SUGCT: variants seen among roughly 807,000 people sequenced by gnomAD.
The protein encoded by SUGCT is succinyl-CoA:glutarate-CoA transferase, also known as succinyl-CoA:glutarate CoA-transferase.
A neutral mutation model predicts 55.0 loss-of-function variants in SUGCT; 41 were observed. The ratio of observed to expected loss-of-function variants is 0.74; its 90% CI spans 0.58 to 0.97. The LOEUF (loss-of-function observed/expected upper bound fraction) is 0.97. Among genes scored for constraint, SUGCT ranks in the 50% least tolerant of loss-of-function variants. The probability of loss-of-function intolerance (pLI) is 0.00; values close to 1 mark genes in which losing one functional copy is unlikely to be tolerated. For synonymous variants in SUGCT, 187 were observed against 200.4 expected (o/e 0.93, Z 0.56); for missense variants, 568 against 547.8 (o/e 1.04, Z -0.37).
intron 9 of SUGCT, among the ~76,000 whole-genome samples, chr7:40,405,329 G>A (rs898498540): frequency 2.6e-5 from 4 of 152,046 alleles, no homozygotes; most frequent in East Asian, 1.9e-4. Context: ...TATAAATATC[G>A]ACCACAGTTT....
At chr7:40,915,743 A>G in the SUGCT span, among the ~76,000 whole-genome samples, 1 of 152,206 alleles carries the variant, frequency 6.6e-6, no homozygotes, top group African/African-American at 2.4e-5. Flanking sequence ...CTGTGTGTGC[A>G]TTCATTAATT....
At chr7:40,568,878 T>C (rs763228680) in intron 12 of SUGCT, among the ~76,000 whole-genome samples, 5 of 152,236 alleles carry the variant, frequency 3.3e-5, no homozygotes, top group Non-Finnish European at 7.3e-5. Context: ...AGCCTCCCTC[T>C]AAAGGACTTG....
At chr7:40,470,747 GTCTCTCTCTC>G (rs34012862) in intron 11 of SUGCT, among the ~76,000 whole-genome samples, 15 of 146,384 alleles carry the variant, frequency 1.0e-4, no homozygotes, top group Non-Finnish European at 1.8e-4. Context: ...TAAGTGAACA[GTCTCTCTCTC>G]TCTCTCTCTC....
At chr7:40,639,678 T>G (rs997520256) in intron 12 of SUGCT, among the ~76,000 whole-genome samples, 21 of 150,892 alleles carry the variant, frequency 1.4e-4, no homozygotes, top group Non-Finnish European at 1.0e-4. Context: ...CCGTCTAATT[T>G]TTTTTTTTTT....
chr7:40,697,335 C>T (rs1183973322), intron 12 of SUGCT, among the ~76,000 whole-genome samples: 1 of 152,118 alleles, frequency 6.6e-6, no homozygotes, highest in East Asian at 1.9e-4. Flanking sequence ...GTAGTAGATG[C>T]TCAATAATTG....
the SUGCT span, among the ~76,000 whole-genome samples, chr7:40,902,069 C>T: frequency 6.6e-6 from 1 of 152,138 alleles, no homozygotes; most frequent in Non-Finnish European, 1.5e-5. Flanking sequence ...GTGAGCTCAC[C>T]TTCAACTTTA....
At chr7:40,646,033 C>T (rs985138430) in intron 12 of SUGCT, among the ~76,000 whole-genome samples, 2 of 152,174 alleles carry the variant, frequency 1.3e-5, no homozygotes, top group African/African-American at 4.8e-5. Context: ...TCATCTTCAC[C>T]ACTACCAGAT....
intron 12 of SUGCT, among the ~76,000 whole-genome samples, chr7:40,574,687 C>T (rs1160091569): frequency 6.6e-6 from 1 of 152,160 alleles, no homozygotes; most frequent in Non-Finnish European, 1.5e-5. Flanking sequence ...CTGCCTTGAC[C>T]TCCCAAAGTA....
chr7:40,243,863 A>T (rs541694109), intron 7 of SUGCT, among the ~76,000 whole-genome samples: 1 of 152,276 alleles, frequency 6.6e-6, no homozygotes, highest in South Asian at 2.1e-4. Context: ...GTTGGAGAGA[A>T]GTTTTTATTG....
chr7:40,915,137 C>T, the SUGCT span, among the ~76,000 whole-genome samples: 2 of 152,092 alleles, frequency 1.3e-5, no homozygotes, highest in Non-Finnish European at 2.9e-5. Flanking sequence ...AGGATAATGA[C>T]CCACATTCTT....
At chr7:40,653,219 C>T (rs1304691205) in intron 12 of SUGCT, among the ~76,000 whole-genome samples, 4 of 152,198 alleles carry the variant, frequency 2.6e-5, no homozygotes, top group Non-Finnish European at 1.5e-5. Flanking sequence ...CCTGGTCTAG[C>T]ACCTGGCATA....
At chr7:40,578,098 A>T (rs2151704726) in intron 12 of SUGCT, among the ~76,000 whole-genome samples, 1 of 152,246 alleles carries the variant, frequency 6.6e-6, no homozygotes, top group South Asian at 2.1e-4. Context: ...CATCAAAATC[A>T]TGTAGAGGGG....
At chr7:40,970,133 G>T in the SUGCT span, among the ~76,000 whole-genome samples, 6 of 152,066 alleles carry the variant, frequency 3.9e-5, no homozygotes, top group Non-Finnish European at 8.8e-5. Flanking sequence ...AATCAAGAAG[G>T]TTTGTTGAGT....
In SUGCT at chr7:40,371,945, A is replaced by AACACACAC. The variant is rs137960410; in HGVS notation, c.816+55110_816+55117dup. Among the ~76,000 whole-genome samples, 1,019 of 147,786 alleles carry AACACACAC rather than the reference A, an allele frequency of 6.9e-3. 7 individuals carry two copies. Among genetic ancestry groups the AACACACAC allele is most frequent in the African/African-American group, 0.022 (909 of 40,444 alleles). On this transcript the variant is annotated intron_variant, in intron 9 of 13. Transcript: ENST00000335693. The stretch of plus-strand genomic sequence containing the variant: ...TTTGGATGTATGTATATACATCTCG[A>AACACACAC]ACACACACACACACACACACACACA...
intron 12 of SUGCT, among the ~76,000 whole-genome samples, chr7:40,577,017 T>C (rs1450489544): frequency 6.6e-6 from 1 of 152,206 alleles, no homozygotes; most frequent in Non-Finnish European, 1.5e-5. Flanking sequence ...CCTGGAAACT[T>C]GTTAGACATA....
rs574846750 is a variant in SUGCT at position 40,548,265 on chromosome 7, T to TGCAGCTTCGAAA, written c.1089+51890_1089+51891insAGCAGCTTCGAA. 1.4e-3 allele frequency among the ~76,000 whole-genome samples: 202 copies of TGCAGCTTCGAAA among 147,484 alleles called. 1 individual carries two copies. The highest frequency in any genetic ancestry group is 4.7e-3 in the African/African-American group (190 of 40,044). On this transcript the variant is annotated intron_variant, in intron 12 of 13. Coordinates refer to ENST00000335693, the MANE Select transcript of SUGCT (RefSeq NM_001193313.2). ...GTGTAGTGGTACAATCATAGCTCAC[T>TGCAGCTTCGAAA]GCAGCTTCGAACTCATGGGCTCAAA...
chr7:40,654,111 C>T (rs1373853033), intron 12 of SUGCT, among the ~76,000 whole-genome samples: 30 of 152,110 alleles, frequency 2.0e-4, no homozygotes, highest in Admixed American at 1.9e-3. Context: ...CTCACAAACA[C>T]TGAATAGCAT....
intron 11 of SUGCT, among the ~76,000 whole-genome samples, chr7:40,484,215 G>A (rs1032865464): frequency 1.3e-5 from 2 of 152,100 alleles, no homozygotes; most frequent in Non-Finnish European, 2.9e-5. Flanking sequence ...TAGTGAGATG[G>A]GCTATGGGCC....
chr7:40,251,058 T>C (rs986764065), intron 7 of SUGCT, among the ~76,000 whole-genome samples: 1 of 152,056 alleles, frequency 6.6e-6, no homozygotes, highest in Non-Finnish European at 1.5e-5. Context: ...CTCGAACCCC[T>C]GACCTTGTGA....
Sources: gnomAD v4.1 joint callset for allele counts (sites outside exome capture counted in the v4.1 genomes callset) on GRCh38, gnomAD v4.1.1 for gene constraint, MANE v1.5 for transcripts, NCBI Gene and HGNC (gene_info 2026-07-23, HGNC 2026-07-21) for gene names.